Variants in ITSN2 observed in about 807,000 individuals in gnomAD.
ITSN2 encodes intersectin 2, also known as intersectin-2.
In ITSN2, 156 loss-of-function variants were observed where a neutral mutation model predicts 243.7. That is an observed-to-expected ratio of 0.64 (90% CI 0.56 to 0.73). The LOEUF (loss-of-function observed/expected upper bound fraction) is 0.73. Ranked by LOEUF, ITSN2 falls within the 30% of genes least tolerant of loss-of-function variation. ITSN2 has a pLI of 0.00. For missense variants in ITSN2, 1,801 were observed against 1,996.1 expected, an observed-to-expected ratio of 0.90 and a Z score of 1.86; for synonymous variants, 703 against 699.9, an observed-to-expected ratio of 1.00 and a Z score of -0.07.
chr2:24,204,859 G>T lies in ITSN2; in HGVS notation c.4762+355C>A. The stretch of plus-strand genomic sequence containing the variant: ...TCAGAAGAGTCATCAGTGGCTGGGC[G>T]CAGTGGCACTTTGTCAGTGACAAAG... On this transcript the variant is annotated intron_variant, in intron 38 of 39. Coordinates refer to ENST00000355123, the MANE Select transcript of ITSN2 (RefSeq NM_006277.3). The surrounding 1 kb of genome is among the most constrained non-coding windows in gnomAD (Gnocchi z 5.1). 2.5e-6 allele frequency: 1 copy of T among 402,918 alleles called. No homozygotes were observed. Among genetic ancestry groups the T allele is most frequent in the Non-Finnish European group, 5.0e-6 (1 of 199,050 alleles). 25.0% of individuals were successfully genotyped at this position (402,918 alleles called of 1,614,324 possible).
chr2:24,212,561 TGCTCAGG>T, intron 33 of ITSN2, 82 bp downstream of exon 33: 2 of 969,382 alleles, frequency 2.1e-6, no homozygotes, highest in African/African-American at 3.3e-5. Context: ...TGAGGTGGCA[TGCTCAGG>T]GCTCCCTGAG....
chr2:24,231,994 A>G (rs1352244952), intron 29 of ITSN2, among the ~76,000 whole-genome samples: 1 of 152,236 alleles, frequency 6.6e-6, no homozygotes, highest in East Asian at 1.9e-4. Flanking sequence ...TTTTATCAGG[A>G]CACTAGAAAG....
chr2:24,203,689 G>C lies in ITSN2; in HGVS notation c.5031C>G (p.Val1677=). Reference sequence around the variant, plus strand: ...AACGGACCCAGACCTCCCCGGTGGGGACCTCATGCAGCAGCAGTCGGCGGG... The same window carrying C: ...AACGGACCCAGACCTCCCCGGTGGGCACCTCATGCAGCAGCAGTCGGCGGG... ...PMTRRLLLHE[V]PTGEVWVRFD... is the part of the protein sequence containing the mutation. Residue 1677 remains valine, a synonymous_variant, in exon 40 of 40, where the codon GTC becomes GTG. Transcript: ENST00000355123. The C allele has an allele frequency of 6.2e-7, 1 of 1,614,172 alleles. No homozygotes were observed. Among genetic ancestry groups the C allele is most frequent in the Non-Finnish European group, 8.5e-7 (1 of 1,180,030 alleles).
intron 1 of ITSN2, among the ~76,000 whole-genome samples, chr2:24,339,093 G>A (rs1219831168): frequency 6.6e-6 from 1 of 152,096 alleles, no homozygotes; most frequent in African/African-American, 2.4e-5. Context: ...GTTAAAAGAA[G>A]GAAAGCACAA....
At chr2:24,215,363 A>G (rs575725749) in intron 32 of ITSN2, among the ~76,000 whole-genome samples, 3 of 152,254 alleles carry the variant, frequency 2.0e-5, no homozygotes, top group South Asian at 2.1e-4. Flanking sequence ...TGCATTTTAT[A>G]TATTTGAGTA....
intron 1 of ITSN2, among the ~76,000 whole-genome samples, chr2:24,338,749 CAA>C (rs1686727727): frequency 6.6e-6 from 1 of 151,846 alleles, no homozygotes; most frequent in African/African-American, 2.4e-5. Flanking sequence ...CCCAACAACT[CAA>C]GAGACTAAGG....
chr2:24,296,664 C>T (rs1259741365), intron 13 of ITSN2, among the ~76,000 whole-genome samples: 1 of 152,180 alleles, frequency 6.6e-6, no homozygotes, highest in African/African-American at 2.4e-5. Context: ...CCTAACTAAC[C>T]TTGGTCTTAG....
Position 24,217,768 on chromosome 2 carries a change from GATA to G in ITSN2, c.3806+136_3806+138del, listed in dbSNP as rs1670105956. 5.6e-6 allele frequency: 3 copies of G among 536,100 alleles called. No homozygotes were observed. In the Admixed American group the frequency reaches 1.0e-4, roughly 18 times the overall value. 33.2% of individuals were successfully genotyped at this position (536,100 alleles called of 1,614,324 possible). A position where few individuals can be genotyped will look rare whatever the true frequency, so the allele number is the denominator to read the frequency against. The stretch of plus-strand genomic sequence containing the variant: ...ACAGTCACAGGATATTTCATAAAAT[GATA>G]ATAAAATAACAAGCCTGAGGAAGCA... On this transcript the variant is annotated intron_variant, in intron 31 of 39. Coordinates refer to ENST00000355123, the MANE Select transcript of ITSN2 (RefSeq NM_006277.3).
At chr2:24,310,123 T>A (rs539133169) in intron 7 of ITSN2, among the ~76,000 whole-genome samples, 161 bp downstream of exon 7, 4 of 152,162 alleles carry the variant, frequency 2.6e-5, no homozygotes, top group Admixed American at 6.5e-5. Flanking sequence ...AAATAAAAAA[T>A]TTATTTTATG....
At chr2:24,286,801 C>T (rs1679560769) in intron 15 of ITSN2, among the ~76,000 whole-genome samples, 1 of 152,118 alleles carries the variant, frequency 6.6e-6, no homozygotes, top group African/African-American at 2.4e-5. Context: ...GAAATATTCA[C>T]AGCAAAGATT....
Position 24,203,746 on chromosome 2 carries a change from A to T in ITSN2, c.4974T>A (p.Ile1658=), listed in dbSNP as rs1346542958. ...GGCCTTTGCTTTCCTGTTCTGTTCG[A>T]ATTTTTGCCACTGGAATTTCAGTAC... ...LGRTEIPVAK[I]RTEQESKGPM... The change falls in exon 40 of 40, where the codon ATT becomes ATA. Residue 1658 remains isoleucine, a synonymous_variant. Coordinates refer to ENST00000355123, the MANE Select transcript of ITSN2 (RefSeq NM_006277.3). 4 of 1,614,080 alleles carry T rather than the reference A, an allele frequency of 2.5e-6. No individual in the cohort carries two copies. In the South Asian group the frequency reaches 4.4e-5, roughly 18 times the overall value.
chr2:24,314,409 GATTAAC>G (rs1683659046), intron 3 of ITSN2, among the ~76,000 whole-genome samples: 1 of 152,114 alleles, frequency 6.6e-6, no homozygotes, highest in Admixed American at 6.6e-5. Flanking sequence ...TCAAAGCCCA[GATTAAC>G]ACTAACCATC....
intron 1 of ITSN2, among the ~76,000 whole-genome samples, chr2:24,331,303 C>A (rs1685756026): frequency 6.6e-6 from 1 of 151,580 alleles, no homozygotes; most frequent in African/African-American, 2.4e-5. Flanking sequence ...GAACTCCTGA[C>A]CTCAGGTGAT....
At chr2:24,270,953 G>T (rs566808505) in intron 19 of ITSN2, among the ~76,000 whole-genome samples, 185 bp from the exon 20 acceptor site, 1 of 152,242 alleles carries the variant, frequency 6.6e-6, no homozygotes, top group South Asian at 2.1e-4. Flanking sequence ...AGCAAACAAG[G>T]ATGCTCATCT....
At chr2:24,226,006 G>T (rs1240218428) in intron 29 of ITSN2, among the ~76,000 whole-genome samples, 2 of 152,146 alleles carry the variant, frequency 1.3e-5, no homozygotes, top group African/African-American at 4.8e-5. Context: ...CATGGTACTG[G>T]TTTGTATCTG....
intron 20 of ITSN2, among the ~76,000 whole-genome samples, chr2:24,263,120 A>G (rs1166421811): frequency 6.6e-6 from 1 of 152,214 alleles, no homozygotes; most frequent in Non-Finnish European, 1.5e-5. Flanking sequence ...TACATTATAT[A>G]TGCATAATGA....
chr2:24,315,995 T>A (rs944707653), intron 2 of ITSN2, among the ~76,000 whole-genome samples: 1 of 152,118 alleles, frequency 6.6e-6, no homozygotes. Flanking sequence ...AAGGATGAGA[T>A]AACAGGAAAG....
At position 24,246,794 on chromosome 2, in the gene ITSN2, T is replaced by C. The variant is rs1335847253; in HGVS notation, c.3385+3A>G. On this transcript the variant is annotated splice_donor_region_variant and intron_variant, in intron 28 of 39. Coordinates refer to ENST00000355123, the MANE Select transcript of ITSN2 (RefSeq NM_006277.3). ...TGAAATACAAATTAACCCACTTCCATACCAGGATGAAAGGCAGGTGTGGCT... is the reference window on the plus strand; with the variant it reads ...TGAAATACAAATTAACCCACTTCCACACCAGGATGAAAGGCAGGTGTGGCT... The C allele has an allele frequency of 1.3e-6, 2 of 1,567,544 alleles. No individual in the cohort carries two copies. Among genetic ancestry groups the C allele is most frequent in the South Asian group, 1.1e-5 (1 of 88,936 alleles).
chr2:24,244,887 T>C (rs187348743), intron 29 of ITSN2, among the ~76,000 whole-genome samples: 2 of 152,306 alleles, frequency 1.3e-5, no homozygotes, highest in African/African-American at 2.4e-5. Flanking sequence ...AAAGTGAGAA[T>C]GCACAAAATT....
Sources: allele counts gnomAD v4.1 joint callset (sites outside exome capture counted in the v4.1 genomes callset), GRCh38; gene constraint gnomAD v4.1.1; non-coding constraint Gnocchi (gnomAD v3.1); transcripts MANE v1.5; gene names NCBI Gene and HGNC (gene_info 2026-07-23, HGNC 2026-07-21).